Variants in SOX5 observed in about 807,000 individuals in gnomAD.
SOX5 encodes the protein transcription factor SOX-5.
A neutral mutation model predicts 92.0 loss-of-function variants in SOX5; 9 were observed. That is an observed-to-expected ratio of 0.10 (90% CI 0.06 to 0.17). SOX5 has a LOEUF of 0.17. SOX5 is among the 10% of genes least tolerant of loss of function. The pLI, the probability that SOX5 is intolerant of heterozygous loss-of-function variation, is 1.00. For missense variants in SOX5, 642 were observed against 944.5 expected (o/e 0.68, Z 4.20); for synonymous variants, 344 against 336.3 (o/e 1.02, Z -0.25).
At chr12:24,287,571 A>C (rs1463275853) in intron 2 of SOX5, among the ~76,000 whole-genome samples, 1 of 147,056 alleles carries the variant, frequency 6.8e-6, no homozygotes, top group Non-Finnish European at 1.5e-5. Context: ...AGGGCATCTT[A>C]AAAACAGTGA....
chr12:23,982,727 G>A (rs990297773), intron 4 of SOX5, among the ~76,000 whole-genome samples: 4 of 151,080 alleles, frequency 2.6e-5, no homozygotes, highest in Non-Finnish European at 5.9e-5. Context: ...AAAGGAAAAA[G>A]GTGAAAATAA....
At chr12:23,978,420 G>A (rs531989099) in intron 4 of SOX5, among the ~76,000 whole-genome samples, 104 of 152,118 alleles carry the variant, frequency 6.8e-4, no homozygotes, top group Non-Finnish European at 1.2e-3. Context: ...GGAAGCAGAA[G>A]CAATATTAGT....
intron 3 of SOX5, among the ~76,000 whole-genome samples, chr12:24,256,255 C>T (rs1057148269): frequency 6.6e-6 from 1 of 152,160 alleles, no homozygotes; most frequent in African/African-American, 2.4e-5. Flanking sequence ...TCATAGATTC[C>T]ATTAGATGCA....
intron 3 of SOX5, among the ~76,000 whole-genome samples, chr12:23,793,250 T>C (rs1376608279): frequency 6.6e-6 from 1 of 152,190 alleles, no homozygotes; most frequent in Admixed American, 6.5e-5. Context: ...GTAAAAAAAT[T>C]GGTAGTTACA....
chr12:23,629,233 C>A (rs2078223780), intron 8 of SOX5, among the ~76,000 whole-genome samples: 2 of 152,052 alleles, frequency 1.3e-5, no homozygotes, highest in Non-Finnish European at 2.9e-5. Flanking sequence ...CAAATCCTAA[C>A]CATTGTTTTA....
intron 4 of SOX5, among the ~76,000 whole-genome samples, chr12:24,098,491 C>G (rs1247915715): frequency 2.0e-5 from 3 of 152,096 alleles, no homozygotes; most frequent in Non-Finnish European, 2.9e-5. Flanking sequence ...CCAATAGACT[C>G]CACCTGTAAA....
At chr12:24,001,952 A>C (rs1170372858) in intron 4 of SOX5, among the ~76,000 whole-genome samples, 1 of 152,160 alleles carries the variant, frequency 6.6e-6, no homozygotes, top group Non-Finnish European at 1.5e-5. Context: ...AGACAAAGTG[A>C]AGCCCTGTCT....
chr12:24,213,983 C>CTGTA (rs949057190), intron 3 of SOX5, among the ~76,000 whole-genome samples: 14 of 151,472 alleles, frequency 9.2e-5, no homozygotes, highest in Non-Finnish European at 1.8e-4. Context: ...TTACTTAGAG[C>CTGTA]TACAATACTT....
At chr12:24,478,628 T>C (rs1945643286) in intron 1 of SOX5, among the ~76,000 whole-genome samples, 2 of 152,204 alleles carry the variant, frequency 1.3e-5, no homozygotes, top group Admixed American at 1.3e-4. Flanking sequence ...GGTGCTACAG[T>C]AGCATCCTTT....
intron 4 of SOX5, among the ~76,000 whole-genome samples, chr12:24,077,611 T>C (rs1204640704): frequency 6.6e-6 from 1 of 151,532 alleles, no homozygotes; most frequent in African/African-American, 2.4e-5. Context: ...ACAAAATCAA[T>C]ATGTATGCTT....
In SOX5 at chr12:23,697,111, C is replaced by T. The variant is rs1313239884; in HGVS notation, c.811-31547G>A. ...ATAAGGTCAGAGTAATGAATAGTGT[C>T]ATTCAATTCTTAGTAATTTTCTAAC... On this transcript the variant is annotated intron_variant, in intron 6 of 14. Coordinates refer to ENST00000451604, the MANE Select transcript of SOX5 (RefSeq NM_006940.6). Among the ~76,000 whole-genome samples the T allele has an allele frequency of 3.3e-5, 5 of 152,272 alleles. No individual in the cohort carries two copies. The East Asian group carries it at 7.7e-4, about 24-fold the overall frequency.
In SOX5 at chr12:23,640,821, G is replaced by C. The variant is rs533904948; in HGVS notation, c.1008C>G (p.Leu336=). 3.8e-5 allele frequency: 62 copies of C among 1,612,960 alleles called. No individual in the cohort carries two copies. The highest frequency in any genetic ancestry group is 5.0e-5 in the Admixed American group (3 of 60,004). The change falls in exon 8 of 15, where the codon CTC becomes CTG. Residue 336 remains leucine, a synonymous_variant. Transcript: ENST00000451604. ...AAAATPGLGP[L]QLQQLYAAQL... ...TTGTTTCCTGACTTACCTGCAGTTGGAGTGGGCCTAAGCCTGGTGTTGCTG... is the reference window on the plus strand; with the variant it reads ...TTGTTTCCTGACTTACCTGCAGTTGCAGTGGGCCTAAGCCTGGTGTTGCTG...
At chr12:23,817,577 G>C (rs975205907) in intron 3 of SOX5, among the ~76,000 whole-genome samples, 2 of 152,136 alleles carry the variant, frequency 1.3e-5, no homozygotes, top group Admixed American at 6.6e-5. Context: ...AGTGAATATT[G>C]GAATTGTTTT....
chr12:23,556,108 C>CT (rs1290183213), intron 11 of SOX5, among the ~76,000 whole-genome samples: 1 of 152,084 alleles, frequency 6.6e-6, no homozygotes, highest in Non-Finnish European at 1.5e-5. Flanking sequence ...GGGTTTTCCT[C>CT]TCCCCTCCTG....
chr12:23,530,882 T>C lies in SOX5; in HGVS notation c.*3337A>G, dbSNP rs1565539395. On this transcript the variant is annotated 3_prime_UTR_variant, in exon 15 of 15. Coordinates refer to ENST00000451604, the MANE Select transcript of SOX5 (RefSeq NM_006940.6). ...GGGAAAGAGATAAAGTGTGAACAGA[T>C]AGGTAAGAAAGCAGACAGGAAGGAG... The C allele has an allele frequency of 7.0e-6, 1 of 143,102 alleles. No individual in the cohort carries two copies. Among genetic ancestry groups the C allele is most frequent in the East Asian group, 2.2e-4 (1 of 4,514 alleles). 8.9% of individuals were successfully genotyped at this position (143,102 alleles called of 1,614,324 possible). A position where few individuals can be genotyped will look rare whatever the true frequency, so the allele number is the denominator to read the frequency against.
intron 9 of SOX5, among the ~76,000 whole-genome samples, chr12:23,586,776 TC>T (rs1950807869): frequency 6.6e-6 from 1 of 151,840 alleles, no homozygotes; most frequent in African/African-American, 2.4e-5. Context: ...AAAGATTATT[TC>T]CCCTCCTCAA....
chr12:23,592,322 T>C lies in SOX5; in HGVS notation c.1164+12065A>G, dbSNP rs116683250. ...AATTTAGATGTCTGATCCTCATCTT[T>C]TTAAAAACCAAAATGATAAAACATA... On this transcript the variant is annotated intron_variant, in intron 9 of 14. Coordinates refer to ENST00000451604, the MANE Select transcript of SOX5 (RefSeq NM_006940.6). 4.7e-3 allele frequency among the ~76,000 whole-genome samples: 721 copies of C among 152,358 alleles called. 5 individuals are homozygous for C. Among genetic ancestry groups the C allele is most frequent in the African/African-American group, 0.015 (636 of 41,584 alleles).
chr12:24,376,936 C>A (rs1957347021), intron 1 of SOX5, among the ~76,000 whole-genome samples: 1 of 150,286 alleles, frequency 6.7e-6, no homozygotes, highest in Non-Finnish European at 1.5e-5. Flanking sequence ...GTTTTGAACT[C>A]CTGGCCTCAA....
chr12:24,361,845 G>T (rs1255142405), intron 2 of SOX5, among the ~76,000 whole-genome samples: 1 of 152,200 alleles, frequency 6.6e-6, no homozygotes. Context: ...TGGGATTTCA[G>T]TTCAGGCTTA....
Sources: gnomAD v4.1 joint callset for allele counts (sites outside exome capture counted in the v4.1 genomes callset) on GRCh38, gnomAD v4.1.1 for gene constraint, MANE v1.5 for transcripts, NCBI Gene and HGNC (gene_info 2026-07-23, HGNC 2026-07-21) for gene names.